The following GRM7 variants were observed in gnomAD, a reference collection of about 807,000 sequenced individuals.
The protein encoded by GRM7 is metabotropic glutamate receptor 7.
Under a neutral mutation model 84.5 loss-of-function variants are expected in GRM7, and 35 were observed. That is an observed-to-expected ratio of 0.41 (90% CI 0.32 to 0.55). The LOEUF is 0.55. Ranked by LOEUF, GRM7 falls within the 20% of genes least tolerant of loss-of-function variation. The pLI is 0.19. For missense variants in GRM7, 1,003 were observed against 1,194.6 expected (o/e 0.84, Z 2.36); for synonymous variants, 487 against 455.1 (o/e 1.07, Z -0.89).
At chr3:7,277,995 T>C (rs187253885) in intron 2 of GRM7, among the ~76,000 whole-genome samples, 3 of 152,204 alleles carry the variant, frequency 2.0e-5, no homozygotes, top group Admixed American at 1.3e-4. Flanking sequence ...AAATACTGAA[T>C]TGATATGCTC....
At chr3:7,295,628 T>A (rs1229083599) in intron 2 of GRM7, among the ~76,000 whole-genome samples, 3 of 152,220 alleles carry the variant, frequency 2.0e-5, no homozygotes, top group Non-Finnish European at 4.4e-5. Flanking sequence ...AGCCATGTTT[T>A]ATAGTTTTCA....
intron 7 of GRM7, among the ~76,000 whole-genome samples, chr3:7,470,056 T>C (rs1698634618): frequency 6.6e-6 from 1 of 152,184 alleles, no homozygotes; most frequent in African/African-American, 2.4e-5. Context: ...AGGAGCAGCT[T>C]TCCACTTGAT....
At chr3:7,094,318 A>C (rs1698777116) in intron 1 of GRM7, among the ~76,000 whole-genome samples, 1 of 152,196 alleles carries the variant, frequency 6.6e-6, no homozygotes, top group South Asian at 2.1e-4. Flanking sequence ...GGCCATAATA[A>C]ATGAGTTCAT....
At chr3:7,038,916 T>C (rs117728886) in intron 1 of GRM7, among the ~76,000 whole-genome samples, 1 of 151,724 alleles carries the variant, frequency 6.6e-6, no homozygotes, top group Non-Finnish European at 1.5e-5. Context: ...TTTCTCAGAG[T>C]GGGGTCATCA....
intron 2 of GRM7, among the ~76,000 whole-genome samples, chr3:7,163,298 A>G (rs1694693726): frequency 6.6e-6 from 1 of 152,218 alleles, no homozygotes; most frequent in South Asian, 2.1e-4. Context: ...AATGGCATCC[A>G]GGGTGTTTGT....
At chr3:6,873,054 G>T (rs1245116011) in intron 1 of GRM7, among the ~76,000 whole-genome samples, 1 of 152,106 alleles carries the variant, frequency 6.6e-6, no homozygotes, top group Non-Finnish European at 1.5e-5. Flanking sequence ...TTCCACAATG[G>T]TTGAACTAAT....
At chr3:7,580,024 T>C (rs1184517453) in intron 8 of GRM7, among the ~76,000 whole-genome samples, 1 of 152,226 alleles carries the variant, frequency 6.6e-6, no homozygotes, top group Non-Finnish European at 1.5e-5. Flanking sequence ...CAATATTTGG[T>C]GCAGAGCTAG....
chr3:6,975,196 A>G (rs1443650896), intron 1 of GRM7, among the ~76,000 whole-genome samples: 2 of 152,202 alleles, frequency 1.3e-5, no homozygotes, highest in Non-Finnish European at 2.9e-5. Flanking sequence ...TTTTCTCAGT[A>G]AAAATTCCCA....
chr3:7,588,782 T>G (rs889249861), intron 8 of GRM7, among the ~76,000 whole-genome samples: 2 of 152,224 alleles, frequency 1.3e-5, no homozygotes, highest in African/African-American at 4.8e-5. Flanking sequence ...AATGAATGAC[T>G]GAAACAAAAC....
intron 7 of GRM7, among the ~76,000 whole-genome samples, chr3:7,515,681 T>C (rs1700351018): frequency 6.6e-6 from 1 of 152,168 alleles, no homozygotes; most frequent in African/African-American, 2.4e-5. Flanking sequence ...ACCTGTCACC[T>C]TGAGGACTCA....
chr3:7,483,510 A>G (rs1160604950), intron 7 of GRM7, among the ~76,000 whole-genome samples: 1 of 152,196 alleles, frequency 6.6e-6, no homozygotes, highest in Non-Finnish European at 1.5e-5. Context: ...TAGAAGGTGA[A>G]TAGGAGGTAG....
Position 7,012,245 on chromosome 3 carries a change from G to A in GRM7, c.520-134207G>A, listed in dbSNP as rs113905041. Among the ~76,000 whole-genome samples, 196 of 152,200 alleles carry A rather than the reference G, an allele frequency of 1.3e-3. 1 individual carries two copies. The highest frequency in any genetic ancestry group is 1.4e-3 in the Admixed American group (22 of 15,270). On this transcript the variant is annotated intron_variant, in intron 1 of 9. Transcript: ENST00000357716. ...GATCCTAGTTCACTCAAGGCAGCATGGTTTATCTGAAGGAAACAATCTTGG... is the reference window on the plus strand; with the variant it reads ...GATCCTAGTTCACTCAAGGCAGCATAGTTTATCTGAAGGAAACAATCTTGG...
intron 4 of GRM7, among the ~76,000 whole-genome samples, chr3:7,360,139 G>C (rs763978125): frequency 0.035 from 1,353 of 38,144 alleles, 129 homozygotes; most frequent in African/African-American, 0.098. Flanking sequence ...TTTTCCCTCT[G>C]TGTGTGTGTG....
intron 1 of GRM7, among the ~76,000 whole-genome samples, chr3:6,881,208 T>C (rs1336135618): frequency 6.6e-6 from 1 of 152,168 alleles, no homozygotes; most frequent in Admixed American, 6.6e-5. Context: ...ATGTGTGCCA[T>C]GGTGGTTTGC....
chr3:7,106,324 A>G (rs1692638666), intron 1 of GRM7, among the ~76,000 whole-genome samples: 1 of 151,814 alleles, frequency 6.6e-6, no homozygotes, highest in Non-Finnish European at 1.5e-5. Context: ...CACAACATGC[A>G]TATAGTATGC....
chr3:7,231,268 G>T (rs1184079207), intron 2 of GRM7, among the ~76,000 whole-genome samples: 1 of 152,138 alleles, frequency 6.6e-6, no homozygotes, highest in Non-Finnish European at 1.5e-5. Context: ...CAAAGAACAT[G>T]TACCCTACAA....
At chr3:7,291,436 A>G (rs906849137) in intron 2 of GRM7, among the ~76,000 whole-genome samples, 2 of 151,366 alleles carry the variant, frequency 1.3e-5, no homozygotes, top group African/African-American at 4.9e-5. Flanking sequence ...CCAAGAGGAC[A>G]GTAATAGTGC....
intron 9 of GRM7, among the ~76,000 whole-genome samples, chr3:7,696,181 T>G (rs1701009931): frequency 6.6e-6 from 1 of 152,056 alleles, no homozygotes; most frequent in Non-Finnish European, 1.5e-5. Context: ...CTCTCAGGAG[T>G]GTTTGGACCC....
intron 2 of GRM7, among the ~76,000 whole-genome samples, chr3:7,270,446 G>A (rs1322552312): frequency 2.0e-5 from 3 of 152,064 alleles, no homozygotes; most frequent in Non-Finnish European, 2.9e-5. Flanking sequence ...TTCTTGTTAA[G>A]CATTCATCTG....
Sources: allele counts gnomAD v4.1 joint callset (sites outside exome capture counted in the v4.1 genomes callset), GRCh38; gene constraint gnomAD v4.1.1; transcripts MANE v1.5; gene names NCBI Gene and HGNC (gene_info 2026-07-23, HGNC 2026-07-21).